Variants in PAPPA observed in about 807,000 individuals in gnomAD.
PAPPA encodes pappalysin 1.
Under a neutral mutation model 164.0 loss-of-function variants are expected in PAPPA, and 60 were observed. The ratio of observed to expected loss-of-function variants is 0.37; its 90% confidence interval spans 0.30 to 0.45. The LOEUF is 0.45. Ranked by LOEUF, PAPPA falls within the 20% of genes least tolerant of loss-of-function variation. The pLI is 1.00. For synonymous variants in PAPPA, 875 were observed against 814.1 expected (o/e 1.07, Z -1.27); for missense variants, 1,782 against 2,087.3 (o/e 0.85, Z 2.85).
chr9:116,335,604 T>C (rs1387069815), intron 13 of PAPPA, among the ~76,000 whole-genome samples: 2 of 152,172 alleles, frequency 1.3e-5, no homozygotes, highest in Admixed American at 6.5e-5. Flanking sequence ...TAAGAGCCTG[T>C]CTTTCAACTG....
At chr9:116,361,775 C>G (rs762940838) in intron 17 of PAPPA, among the ~76,000 whole-genome samples, 5 of 152,198 alleles carry the variant, frequency 3.3e-5, no homozygotes, top group Non-Finnish European at 1.5e-5. Context: ...GGCACTGGCT[C>G]TCTTCACTTC....
At chr9:116,334,769 G>A in intron 12 of PAPPA, 92 bp from the exon 13 acceptor site, 1 of 862,570 alleles carries the variant, frequency 1.2e-6, no homozygotes, top group South Asian at 1.5e-5. Flanking sequence ...ACATGAAAGG[G>A]TCTGGGGGCT....
chr9:116,367,403 C>G (rs1338478782), intron 18 of PAPPA, among the ~76,000 whole-genome samples: 1 of 152,176 alleles, frequency 6.6e-6, no homozygotes, highest in African/African-American at 2.4e-5. Context: ...GGAGCTTGAT[C>G]AAACTAGGGT....
intron 5 of PAPPA, among the ~76,000 whole-genome samples, chr9:116,221,522 C>T (rs1272781028): frequency 6.6e-6 from 1 of 152,126 alleles, no homozygotes; most frequent in African/African-American, 2.4e-5. Context: ...TTGTACAAAA[C>T]AAATCATCTT....
chr9:116,267,907 A>T (rs1401394719), intron 8 of PAPPA, among the ~76,000 whole-genome samples: 1 of 149,336 alleles, frequency 6.7e-6, no homozygotes, highest in African/African-American at 2.5e-5. Context: ...AAAAAAAAAA[A>T]AAGAAATGGC....
At chr9:116,312,301 T>TC (rs1344828265) in intron 10 of PAPPA, among the ~76,000 whole-genome samples, 1 of 150,956 alleles carries the variant, frequency 6.6e-6, no homozygotes, top group African/African-American at 2.4e-5. Flanking sequence ...TTTTTTTTTT[T>TC]TTTTGTTATT....
At chr9:116,393,764 A>AG (rs925781176) in intron 21 of PAPPA, among the ~76,000 whole-genome samples, 1 of 152,150 alleles carries the variant, frequency 6.6e-6, no homozygotes, top group African/African-American at 2.4e-5. Flanking sequence ...GTCAGAGTGG[A>AG]GGGCCATTAG....
chr9:116,318,837 T>C (rs1470542554), intron 10 of PAPPA: 2 of 151,948 alleles, frequency 1.3e-5, no homozygotes, highest in Admixed American at 6.6e-5. Flanking sequence ...CCAGATGTCC[T>C]CCCCCTTCCC....
chr9:116,313,736 C>A (rs192977989), intron 10 of PAPPA, among the ~76,000 whole-genome samples: 1 of 152,100 alleles, frequency 6.6e-6, no homozygotes, highest in Non-Finnish European at 1.5e-5. Flanking sequence ...TGATATTAAG[C>A]CCTAGGAATG....
intron 17 of PAPPA, among the ~76,000 whole-genome samples, chr9:116,361,854 G>A (rs1411823625): frequency 2.0e-5 from 3 of 152,188 alleles, no homozygotes; most frequent in Non-Finnish European, 4.4e-5. Flanking sequence ...TCTGAAATTC[G>A]GAGGTTGGAA....
intron 18 of PAPPA, among the ~76,000 whole-genome samples, chr9:116,366,002 C>G (rs1054767187): frequency 6.6e-5 from 10 of 152,044 alleles, no homozygotes; most frequent in Non-Finnish European, 8.8e-5. Context: ...GGAAGGGGGC[C>G]TCTGAAATAG....
intron 10 of PAPPA, among the ~76,000 whole-genome samples, chr9:116,321,690 T>TTCTAGA (rs752900444): frequency 6.6e-6 from 1 of 152,172 alleles, no homozygotes; most frequent in Admixed American, 6.5e-5. Flanking sequence ...AGACTTTGAT[T>TTCTAGA]TCTAGATCTA....
chr9:116,157,297 T>C (rs1843615737), intron 1 of PAPPA, among the ~76,000 whole-genome samples: 1 of 152,094 alleles, frequency 6.6e-6, no homozygotes, highest in Admixed American at 6.5e-5. Flanking sequence ...AGACAGGCGC[T>C]CGGAGAGACA....
intron 1 of PAPPA, among the ~76,000 whole-genome samples, chr9:116,177,091 C>A (rs569143864): frequency 6.6e-6 from 1 of 152,092 alleles, no homozygotes; most frequent in Non-Finnish European, 1.5e-5. Flanking sequence ...AATTCTGTCT[C>A]ATTTCTCTGA....
chr9:116,304,918 A>T (rs937211651), intron 10 of PAPPA, among the ~76,000 whole-genome samples: 1 of 152,106 alleles, frequency 6.6e-6, no homozygotes, highest in African/African-American at 2.4e-5. Flanking sequence ...ATTTGCCATA[A>T]TGAGATCAGC....
At chr9:116,332,524 C>A in intron 12 of PAPPA, 56 bp downstream of exon 12, 1 of 1,500,718 alleles carries the variant, frequency 6.7e-7, no homozygotes, top group South Asian at 1.2e-5. Flanking sequence ...CACCTCTGCC[C>A]CATAACTAGT....
intron 9 of PAPPA, among the ~76,000 whole-genome samples, chr9:116,297,228 A>T (rs1845520795): frequency 1.3e-5 from 2 of 152,188 alleles, no homozygotes; most frequent in African/African-American, 4.8e-5. Context: ...CAGGTAGAAG[A>T]CTTATAGCCA....
At chr9:116,156,348 G>GTATA (rs746877150) in intron 1 of PAPPA, among the ~76,000 whole-genome samples, 2,575 of 117,028 alleles carry the variant, frequency 0.022, 70 homozygotes, top group African/African-American at 0.061. Flanking sequence ...ATATATATAT[G>GTATA]TATATATATA....
chr9:116,210,847 G>T (rs1441143236), intron 3 of PAPPA, among the ~76,000 whole-genome samples: 1 of 152,262 alleles, frequency 6.6e-6, no homozygotes, highest in Middle Eastern at 3.4e-3. Context: ...TGATCATGCT[G>T]CTTGTCCTCA....
Sources: allele counts gnomAD v4.1 joint callset (sites outside exome capture counted in the v4.1 genomes callset), GRCh38; gene constraint gnomAD v4.1.1; transcripts MANE v1.5; gene names NCBI Gene and HGNC (gene_info 2026-07-23, HGNC 2026-07-21).